NAV3: variants seen among roughly 807,000 people sequenced by gnomAD.
NAV3 encodes the protein pore membrane and/or filament interacting like protein 1.
Under a neutral mutation model 244.7 loss-of-function variants are expected in NAV3, and 87 were observed. The observed-to-expected ratio is 0.36, with a 90% CI of 0.30 to 0.42. The LOEUF is 0.42. NAV3 is among the 20% of genes least tolerant of loss of function. The probability of loss-of-function intolerance (pLI) is 1.00; values close to 1 mark genes in which losing one functional copy is unlikely to be tolerated. For synonymous variants in NAV3, 1,126 were observed against 1,042.2 expected, an observed-to-expected ratio of 1.08 and a Z score of -1.55; for missense variants, 2,663 against 2,893.3, an observed-to-expected ratio of 0.92 and a Z score of 1.83.
chr12:78,108,936 A>C (rs1306697049), intron 12 of NAV3, among the ~76,000 whole-genome samples: 1 of 152,092 alleles, frequency 6.6e-6, no homozygotes, highest in Non-Finnish European at 1.5e-5. Flanking sequence ...CAAAATCAGC[A>C]GAAGAAACAC....
intron 2 of NAV3, among the ~76,000 whole-genome samples, chr12:77,698,971 C>T (rs183065329): frequency 7.0e-4 from 107 of 152,198 alleles, no homozygotes; most frequent in African/African-American, 2.5e-3. Context: ...GTTTCATCTC[C>T]ACATAGTCTG....
At chr12:77,879,450 T>C (rs1677916) in intron 1 of NAV3, among the ~76,000 whole-genome samples, 20,508 of 152,022 alleles carry the variant, frequency 0.13, 1,493 homozygotes, top group East Asian at 0.22. Context: ...GGTGGATCAC[T>C]TGAGCGCAGG....
At chr12:77,661,324 T>C (rs1376153148) in intron 2 of NAV3, among the ~76,000 whole-genome samples, 1 of 152,164 alleles carries the variant, frequency 6.6e-6, no homozygotes, top group African/African-American at 2.4e-5. Flanking sequence ...TATTTCATAA[T>C]GACTAATGAT....
At chr12:77,835,025 T>C (rs1418976540) in intron 1 of NAV3, among the ~76,000 whole-genome samples, 1 of 152,002 alleles carries the variant, frequency 6.6e-6, no homozygotes, top group Non-Finnish European at 1.5e-5. Flanking sequence ...CATTTTCATG[T>C]AAAGGAAATC....
chr12:77,775,127 C>T (rs1316616994), intron 2 of NAV3, among the ~76,000 whole-genome samples: 1 of 152,022 alleles, frequency 6.6e-6, no homozygotes, highest in Non-Finnish European at 1.5e-5. Context: ...TGCGGTGGCT[C>T]ATACCTGTAA....
In NAV3 at chr12:77,647,067, T is replaced by TACACACACAC. The variant is rs3046395; in HGVS notation, c.72+74812_72+74821dup. Among the ~76,000 whole-genome samples the TACACACACAC allele has an allele frequency of 2.1e-3, 318 of 149,778 alleles. 2 individuals are homozygous for TACACACACAC. Among genetic ancestry groups the TACACACACAC allele is most frequent in the African/African-American group, 7.5e-3 (306 of 40,918 alleles). ...TGGTGTATGTGTGAACATATATATA[T>TACACACACAC]ACACACACACACACACACACGTATA... is the stretch of plus-strand genomic sequence containing the variant. On this transcript the variant is annotated intron_variant, in intron 2 of 8. Coordinates refer to the NAV3 transcript ENST00000550042.
At chr12:77,704,970 G>A (rs775528558) in intron 2 of NAV3, among the ~76,000 whole-genome samples, 15 of 152,190 alleles carry the variant, frequency 9.9e-5, no homozygotes, top group Non-Finnish European at 1.3e-4. Context: ...GAAACTCTGT[G>A]TTATAGGAAA....
At chr12:78,009,750 T>G (rs1352881936) in intron 8 of NAV3, among the ~76,000 whole-genome samples, 2 of 152,182 alleles carry the variant, frequency 1.3e-5, no homozygotes, top group Non-Finnish European at 2.9e-5. Flanking sequence ...AACTTCACTT[T>G]CTAATCCTAT....
chr12:77,709,790 C>T (rs1876017558), intron 2 of NAV3, among the ~76,000 whole-genome samples: 1 of 152,152 alleles, frequency 6.6e-6, no homozygotes, highest in Admixed American at 6.5e-5. Context: ...ATTTGTATTT[C>T]CAGCAATTAA....
intron 2 of NAV3, among the ~76,000 whole-genome samples, chr12:77,814,037 C>T (rs1411330923): frequency 6.6e-6 from 1 of 152,142 alleles, no homozygotes; most frequent in South Asian, 2.1e-4. Flanking sequence ...CCTCAGGCTG[C>T]ACCTCACATC....
chr12:77,886,950 C>A (rs182061609), intron 1 of NAV3, among the ~76,000 whole-genome samples: 27 of 152,184 alleles, frequency 1.8e-4, no homozygotes, highest in Middle Eastern at 3.4e-3. Context: ...ATGGAACATT[C>A]TTTTCCAGGT....
chr12:77,832,520 ATATT>A (rs1372287033), intron 1 of NAV3, among the ~76,000 whole-genome samples: 2 of 152,158 alleles, frequency 1.3e-5, no homozygotes, highest in Non-Finnish European at 2.9e-5. Flanking sequence ...ATTGGTGTAT[ATATT>A]TATGTGGTTC....
upstream of NAV3, among the ~76,000 whole-genome samples, chr12:77,830,318 CT>C (rs1365402613): frequency 6.6e-6 from 1 of 152,170 alleles, no homozygotes; most frequent in African/African-American, 2.4e-5. Context: ...ATCATACATT[CT>C]TTCCCCCTTT....
chr12:77,622,336 T>G (rs1029006058), intron 2 of NAV3, among the ~76,000 whole-genome samples: 1 of 151,858 alleles, frequency 6.6e-6, no homozygotes, highest in Non-Finnish European at 1.5e-5. Flanking sequence ...ATTTTTTGTA[T>G]TTTTAGTAGA....
chr12:78,132,297 C>A (rs1956197933), intron 18 of NAV3, among the ~76,000 whole-genome samples: 1 of 152,238 alleles, frequency 6.6e-6, no homozygotes, highest in East Asian at 1.9e-4. Context: ...AATTAGAAAA[C>A]CACTGATCAA....
At chr12:77,796,454 T>A (rs1198191553) in intron 2 of NAV3, among the ~76,000 whole-genome samples, 14 of 152,218 alleles carry the variant, frequency 9.2e-5, no homozygotes, top group Non-Finnish European at 4.4e-5. Flanking sequence ...TGAAACACAG[T>A]CTATTCTGGG....
At chr12:77,911,715 A>T (rs1035411238) in intron 1 of NAV3, among the ~76,000 whole-genome samples, 5 of 152,136 alleles carry the variant, frequency 3.3e-5, no homozygotes, top group African/African-American at 9.7e-5. Context: ...AGGATCAATT[A>T]TTTATAGTAC....
intron 39 of NAV3, among the ~76,000 whole-genome samples, chr12:78,209,052 T>C (rs988781300): frequency 1.3e-5 from 2 of 152,168 alleles, no homozygotes; most frequent in African/African-American, 4.8e-5. Flanking sequence ...GTTTAAAAAG[T>C]TATCACCTAC....
intron 9 of NAV3, among the ~76,000 whole-genome samples, chr12:78,025,661 G>C (rs1429654816): frequency 6.6e-6 from 1 of 151,458 alleles, no homozygotes; most frequent in Non-Finnish European, 1.5e-5. Flanking sequence ...GGGCCTCATG[G>C]GAGGTGTTTG....
Sources: allele counts gnomAD v4.1 joint callset (sites outside exome capture counted in the v4.1 genomes callset), GRCh38; gene constraint gnomAD v4.1.1; transcripts MANE v1.5; gene names NCBI Gene and HGNC (gene_info 2026-07-23, HGNC 2026-07-21).